Variants in NKAIN2 observed in about 807,000 individuals in gnomAD.
The protein encoded by NKAIN2 is sodium/potassium-transporting ATPase subunit beta-1-interacting protein 2.
A neutral mutation model predicts 32.6 loss-of-function variants in NKAIN2; 14 were observed. The observed-to-expected ratio is 0.43, with a 90% CI of 0.28 to 0.67. The LOEUF is 0.67. Ranked by LOEUF, NKAIN2 falls within the 30% of genes least tolerant of loss-of-function variation. The probability of loss-of-function intolerance (pLI) is 0.17; values close to 1 mark genes in which losing one functional copy is unlikely to be tolerated. For synonymous variants in NKAIN2, 80 were observed against 87.2 expected (o/e 0.92, Z 0.46); for missense variants, 198 against 258.3 (o/e 0.77, Z 1.60).
intron 4 of NKAIN2, among the ~76,000 whole-genome samples, chr6:124,780,534 A>G (rs1779214946): frequency 6.6e-6 from 1 of 152,220 alleles, no homozygotes. Context: ...TGGCATGTAT[A>G]GTAGAGGAAC....
intron 1 of NKAIN2, among the ~76,000 whole-genome samples, chr6:124,100,488 T>A (rs1261245451): frequency 2.0e-5 from 3 of 152,220 alleles, no homozygotes; most frequent in Non-Finnish European, 2.9e-5. Context: ...TTTGTCAACA[T>A]CTGCAAATGG....
At chr6:123,809,837 A>G (rs1773380668) in intron 1 of NKAIN2, among the ~76,000 whole-genome samples, 1 of 152,158 alleles carries the variant, frequency 6.6e-6, no homozygotes, top group Non-Finnish European at 1.5e-5. Flanking sequence ...GAATAAGGTG[A>G]CTTCAAAAGC....
intron 2 of NKAIN2, among the ~76,000 whole-genome samples, chr6:124,352,329 G>A (rs1798771416): frequency 6.6e-6 from 1 of 152,134 alleles, no homozygotes; most frequent in Non-Finnish European, 1.5e-5. Context: ...ATAAATGTAA[G>A]TAACTAAGTA....
rs1254262879 is a variant in NKAIN2 at position 124,449,782 on chromosome 6, G to T, written c.273+94435G>T. ...TATAATGTAACTGAAATAACTGTTG[G>T]CATAGTCGTGATGGTTTGGAATACT... On this transcript the variant is annotated intron_variant, in intron 3 of 6. Coordinates refer to ENST00000368417, the MANE Select transcript of NKAIN2 (RefSeq NM_001040214.3). Among the ~76,000 whole-genome samples the T allele has an allele frequency of 3.3e-5, 5 of 152,056 alleles. No homozygotes were observed. In the East Asian group the frequency reaches 5.8e-4, roughly 18 times the overall value.
intron 1 of NKAIN2, among the ~76,000 whole-genome samples, chr6:124,117,884 A>G (rs1421465813): frequency 6.7e-6 from 1 of 150,290 alleles, no homozygotes; most frequent in African/African-American, 2.4e-5. Context: ...ATGTGCAGAC[A>G]TTAAAACAGT....
chr6:124,015,542 T>C (rs1780527872), intron 1 of NKAIN2, among the ~76,000 whole-genome samples: 1 of 152,222 alleles, frequency 6.6e-6, no homozygotes, highest in African/African-American at 2.4e-5. Flanking sequence ...GATCATTTGA[T>C]AGTTCATTAA....
At chr6:124,386,704 G>A (rs1050360642) in intron 3 of NKAIN2, among the ~76,000 whole-genome samples, 3 of 152,094 alleles carry the variant, frequency 2.0e-5, no homozygotes, top group African/African-American at 7.2e-5. Context: ...GCTGTTAATT[G>A]CCAATCCTCT....
intron 1 of NKAIN2, among the ~76,000 whole-genome samples, chr6:123,863,204 A>G (rs908575558): frequency 3.4e-4 from 52 of 152,238 alleles, no homozygotes; most frequent in African/African-American, 1.1e-3. Context: ...ATAGAAGTAG[A>G]TATTAAAATT....
At chr6:124,224,548 C>A (rs150035075) in intron 1 of NKAIN2, among the ~76,000 whole-genome samples, 1 of 152,186 alleles carries the variant, frequency 6.6e-6, no homozygotes, top group African/African-American at 2.4e-5. Context: ...TTGGGAAATA[C>A]TGTTCTGGAC....
intron 2 of NKAIN2, among the ~76,000 whole-genome samples, chr6:124,311,462 C>G (rs1361795359): frequency 1.3e-5 from 2 of 151,956 alleles, no homozygotes; most frequent in South Asian, 2.1e-4. Context: ...TCTGGGCCAC[C>G]CTGAAAATAT....
At chr6:124,493,355 A>G (rs1777938837) in intron 3 of NKAIN2, among the ~76,000 whole-genome samples, 1 of 152,000 alleles carries the variant, frequency 6.6e-6, no homozygotes, top group Admixed American at 6.6e-5. Flanking sequence ...AAGGACAATC[A>G]TAAGAAATAC....
At chr6:124,311,765 A>T in intron 2 of NKAIN2, among the ~76,000 whole-genome samples, 1 of 152,180 alleles carries the variant, frequency 6.6e-6, no homozygotes, top group Admixed American at 6.6e-5. Flanking sequence ...GTGTCTTAAG[A>T]GACCTGGTTG....
chr6:124,615,630 A>G (rs934000888), intron 3 of NKAIN2, among the ~76,000 whole-genome samples: 5 of 152,218 alleles, frequency 3.3e-5, no homozygotes, highest in Non-Finnish European at 7.3e-5. Flanking sequence ...AAATATGCTC[A>G]GAATAAAATA....
intron 1 of NKAIN2, among the ~76,000 whole-genome samples, chr6:123,865,662 T>C (rs1333465337): frequency 1.3e-5 from 2 of 152,194 alleles, no homozygotes; most frequent in East Asian, 3.9e-4. Flanking sequence ...GGAAATAAAC[T>C]TCAGAATTCC....
chr6:124,610,450 T>G (rs534181534), intron 3 of NKAIN2, among the ~76,000 whole-genome samples: 2 of 152,344 alleles, frequency 1.3e-5, no homozygotes, highest in South Asian at 4.1e-4. Flanking sequence ...TTTGACTTAA[T>G]ATTTGTCATA....
At chr6:124,639,856 T>C (rs1364876201) in intron 3 of NKAIN2, among the ~76,000 whole-genome samples, 1 of 151,730 alleles carries the variant, frequency 6.6e-6, no homozygotes, top group Non-Finnish European at 1.5e-5. Flanking sequence ...TAGGGAGAGG[T>C]TGGTTAATGA....
At chr6:124,001,978 T>C (rs1044275193) in intron 1 of NKAIN2, among the ~76,000 whole-genome samples, 5 of 151,942 alleles carry the variant, frequency 3.3e-5, no homozygotes, top group Non-Finnish European at 5.9e-5. Context: ...AACTTATTCA[T>C]TCAACAAACA....
intron 3 of NKAIN2, among the ~76,000 whole-genome samples, chr6:124,630,763 C>A (rs1783533774): frequency 6.6e-6 from 1 of 152,048 alleles, no homozygotes; most frequent in Non-Finnish European, 1.5e-5. Context: ...ATGGACTCAA[C>A]TGGGGAGAAA....
At chr6:124,126,765 G>C (rs1368638233) in intron 1 of NKAIN2, among the ~76,000 whole-genome samples, 2 of 152,102 alleles carry the variant, frequency 1.3e-5, no homozygotes, top group African/African-American at 4.8e-5. Flanking sequence ...TGCAAGCCTG[G>C]GCAACATGGC....
Sources: gnomAD v4.1 joint callset for allele counts (sites outside exome capture counted in the v4.1 genomes callset) on GRCh38, gnomAD v4.1.1 for gene constraint, MANE v1.5 for transcripts, NCBI Gene and HGNC (gene_info 2026-07-23, HGNC 2026-07-21) for gene names.